Variants in FAM13A observed in about 807,000 individuals in gnomAD.
FAM13A encodes protein FAM13A.
In FAM13A, 76 loss-of-function variants were observed where a neutral mutation model predicts 129.6. That is an observed-to-expected ratio of 0.59 (90% CI 0.49 to 0.71). FAM13A has a LOEUF of 0.71. FAM13A is among the 30% of genes least tolerant of loss of function. The pLI is 0.00. For missense variants in FAM13A, 1,108 were observed against 1,249.3 expected (o/e 0.89, Z 1.70); for synonymous variants, 443 against 449.9 (o/e 0.98, Z 0.20).
chr4:88,765,174 T>C lies in FAM13A; in HGVS notation c.1578+2379A>G, dbSNP rs184732779. 3.7e-3 allele frequency among the ~76,000 whole-genome samples: 566 copies of C among 152,280 alleles called. 1 individual carries two copies. The highest frequency in any genetic ancestry group is 6.8e-3 in the Non-Finnish European group (461 of 68,010). On this transcript the variant is annotated intron_variant, in intron 13 of 23. Transcript: ENST00000264344. The stretch of plus-strand genomic sequence containing the variant: ...GAGCATTTCTGAGGCTGAAAACAAA[T>C]GTTCCTCATTCTAACGGGAATAGTA...
intron 5 of FAM13A, among the ~76,000 whole-genome samples, chr4:88,911,557 A>C (rs1448264168): frequency 6.6e-6 from 1 of 152,192 alleles, no homozygotes; most frequent in African/African-American, 2.4e-5. Flanking sequence ...CCACACCATC[A>C]AATCTACAAA....
chr4:88,909,472 C>G (rs1561308161), intron 5 of FAM13A, among the ~76,000 whole-genome samples: 1 of 151,656 alleles, frequency 6.6e-6, no homozygotes, highest in Non-Finnish European at 1.5e-5. Flanking sequence ...GCTAATGGGT[C>G]TGATGTACAT....
At chr4:88,997,313 C>A (rs993689812) in intron 3 of FAM13A, among the ~76,000 whole-genome samples, 3 of 152,134 alleles carry the variant, frequency 2.0e-5, no homozygotes, top group African/African-American at 7.2e-5. Flanking sequence ...AATCTTAGGA[C>A]AAAAACTATC....
At chr4:88,801,481 C>T (rs1727441393) in intron 8 of FAM13A, among the ~76,000 whole-genome samples, 1 of 152,026 alleles carries the variant, frequency 6.6e-6, no homozygotes, top group South Asian at 2.1e-4. Flanking sequence ...AAAACTTGGG[C>T]TGATATTTTA....
At chr4:89,043,254 C>G (rs1770395964) in intron 1 of FAM13A, among the ~76,000 whole-genome samples, 1 of 152,108 alleles carries the variant, frequency 6.6e-6, no homozygotes, top group African/African-American at 2.4e-5. Context: ...ACCAAGGTGG[C>G]AGATATCAGG....
intron 15 of FAM13A, 35 bp from the exon 16 acceptor site, chr4:88,749,944 G>A (rs1742207458): frequency 6.2e-7 from 1 of 1,609,488 alleles, no homozygotes; most frequent in African/African-American, 1.3e-5. Flanking sequence ...GTTTCCCCAG[G>A]AGCAGTCACT....
intron 20 of FAM13A, among the ~76,000 whole-genome samples, chr4:88,738,359 G>C (rs1042537834): frequency 6.6e-6 from 1 of 152,130 alleles, no homozygotes; most frequent in Non-Finnish European, 1.5e-5. Flanking sequence ...CTCATAAGCT[G>C]GGGGTGGAAA....
At chr4:89,041,159 T>C (rs1770067594) in intron 1 of FAM13A, among the ~76,000 whole-genome samples, 1 of 152,178 alleles carries the variant, frequency 6.6e-6, no homozygotes, top group South Asian at 2.1e-4. Context: ...AGGAATACAT[T>C]CTAATGATTG....
Position 88,739,025 on chromosome 4 carries a change from C to T in FAM13A, c.2562+5G>A. The T allele has an allele frequency of 6.2e-7, 1 of 1,600,538 alleles. No individual in the cohort carries two copies. Among genetic ancestry groups the T allele is most frequent in the Non-Finnish European group, 8.6e-7 (1 of 1,167,702 alleles). ...GTACCAGCCACGGGAAGGTATTCTA[C>T]TCACAATGATGGGTATGGTGTTAGC... On this transcript the variant is annotated splice_donor_5th_base_variant and intron_variant, in intron 20 of 23. Transcript: ENST00000264344.
At chr4:88,963,755 A>G (rs1204526322) in intron 4 of FAM13A, among the ~76,000 whole-genome samples, 1 of 152,210 alleles carries the variant, frequency 6.6e-6, no homozygotes, top group Non-Finnish European at 1.5e-5. Context: ...GGACCAGTCT[A>G]TTAGTTGCTG....
intron 6 of FAM13A, among the ~76,000 whole-genome samples, chr4:88,888,560 C>T (rs1398534281): frequency 6.6e-6 from 1 of 152,150 alleles, no homozygotes; most frequent in East Asian, 1.9e-4. Context: ...GCAACTACCA[C>T]TACTATCATT....
chr4:88,862,168 T>C (rs1365772755), intron 6 of FAM13A, among the ~76,000 whole-genome samples: 2 of 152,242 alleles, frequency 1.3e-5, no homozygotes, highest in Non-Finnish European at 2.9e-5. Flanking sequence ...TGCATGCATA[T>C]ATACATATGA....
intron 4 of FAM13A, among the ~76,000 whole-genome samples, chr4:88,974,626 G>A (rs1170308274): frequency 3.3e-5 from 5 of 152,050 alleles, no homozygotes; most frequent in African/African-American, 4.8e-5. Flanking sequence ...ACAGGCACCC[G>A]CCACCATGAC....
chr4:89,026,050 T>C (rs1316451119), intron 2 of FAM13A, among the ~76,000 whole-genome samples: 1 of 152,170 alleles, frequency 6.6e-6, no homozygotes, highest in Non-Finnish European at 1.5e-5. Flanking sequence ...CCAATGAATG[T>C]TGAGAGAAAG....
At chr4:88,934,552 G>A (rs1287379893) in intron 5 of FAM13A, among the ~76,000 whole-genome samples, 1 of 152,180 alleles carries the variant, frequency 6.6e-6, no homozygotes, top group African/African-American at 2.4e-5. Context: ...ACCTTCTGAA[G>A]AGAAAATCTA....
At chr4:88,731,805 T>C in intron 22 of FAM13A, 197 bp downstream of exon 22, 1 of 543,906 alleles carries the variant, frequency 1.8e-6, no homozygotes, top group Non-Finnish European at 3.2e-6. Flanking sequence ...TAAACAAGAC[T>C]CAAAAGTTCC....
intron 5 of FAM13A, among the ~76,000 whole-genome samples, chr4:88,935,614 A>C (rs534553079): frequency 6.6e-6 from 1 of 152,278 alleles, no homozygotes; most frequent in Non-Finnish European, 1.5e-5. Context: ...TTTTCAGTAT[A>C]TTAATAGTTT....
intron 3 of FAM13A, among the ~76,000 whole-genome samples, chr4:89,010,544 C>T (rs1413863348): frequency 6.6e-6 from 1 of 152,190 alleles, no homozygotes; most frequent in Non-Finnish European, 1.5e-5. Context: ...AGGTGCTACC[C>T]TGTGTACAGA....
At chr4:89,050,852 C>G (rs568151765) in intron 1 of FAM13A, among the ~76,000 whole-genome samples, 1 of 152,144 alleles carries the variant, frequency 6.6e-6, no homozygotes, top group Admixed American at 6.5e-5. Flanking sequence ...TGTTCGAACT[C>G]AGGAGGCGGA....
Sources: gnomAD v4.1 joint callset for allele counts (sites outside exome capture counted in the v4.1 genomes callset) on GRCh38, gnomAD v4.1.1 for gene constraint, MANE v1.5 for transcripts, NCBI Gene and HGNC (gene_info 2026-07-23, HGNC 2026-07-21) for gene names.